NLRX1: variants seen among roughly 807,000 people sequenced by gnomAD.
NLRX1 encodes NOD-like receptor X1.
Under a neutral mutation model 74.2 loss-of-function variants are expected in NLRX1, and 67 were observed. The ratio of observed to expected loss-of-function variants is 0.90; its 90% CI spans 0.74 to 1.11. The LOEUF (loss-of-function observed/expected upper bound fraction) is 1.11. Ranked by LOEUF, NLRX1 falls within the 50% of genes least tolerant of loss-of-function variation. NLRX1 has a pLI of 0.00. For missense variants in NLRX1, 1,191 were observed against 1,305.4 expected (o/e 0.91, Z 1.35); for synonymous variants, 506 against 559.1 (o/e 0.91, Z 1.34).
chr11:119,175,311 C>T, intron 6 of NLRX1, 37 bp downstream of exon 6: 1 of 1,569,066 alleles, frequency 6.4e-7, no homozygotes, highest in Non-Finnish European at 8.7e-7. Context: ...CAACCTGCTC[C>T]TTCCCTCCCC....
At position 119,175,290 on chromosome 11, in the gene NLRX1, A is replaced by C; in HGVS notation, c.1671+16A>C. On this transcript the variant is annotated intron_variant, in intron 6 of 9. Coordinates refer to ENST00000409109, the MANE Select transcript of NLRX1 (RefSeq NM_001282144.2). ...CCTGATCAAGGTAACATCCCGATCA[A>C]GGTAACCCCCCAACCTGCTCCTTCC... 6.2e-7 allele frequency: 1 copy of C among 1,602,038 alleles called. No homozygotes were observed. The highest frequency in any genetic ancestry group is 8.5e-7 in the Non-Finnish European group (1 of 1,172,112).
Position 119,173,394 on chromosome 11 carries a change from C to A in NLRX1, c.230-85C>A. 1 of 1,433,608 alleles carries A rather than the reference C, an allele frequency of 7.0e-7. No homozygotes were observed. The highest frequency in any genetic ancestry group is 9.5e-7 in the Non-Finnish European group (1 of 1,050,934). 88.8% of individuals were successfully genotyped at this position (1,433,608 alleles called of 1,614,324 possible). On this transcript the variant is annotated intron_variant, in intron 4 of 9. Transcript: ENST00000409109. This position sits in a 1 kb window ranked among gnomAD's most constrained non-coding sequence, Gnocchi z 4.0. ...CAGCATCTATGCCGTGATGTCCCAG[C>A]CTGACCTCACCACCGCCCTGATTGG...
At chr11:119,180,385 G>A in intron 7 of NLRX1, 97 bp downstream of exon 7, 1 of 984,548 alleles carries the variant, frequency 1.0e-6, no homozygotes, top group Non-Finnish European at 1.5e-6. Context: ...AGGTACCGAT[G>A]AGTGACCAGA....
rs552352315 is a variant in NLRX1 at position 119,169,991 on chromosome 11, C to T, written c.-49+689C>T. On this transcript the variant is annotated intron_variant, in intron 1 of 9. Transcript: ENST00000409109. ...AGCCTGGGCAACAGAGCGAGAGACC[C>T]TGTCTCAGGAAAAAAAAAAAAAAAA... 3.7e-5 allele frequency among the ~76,000 whole-genome samples: 4 copies of T among 106,716 alleles called. No homozygotes were observed. The East Asian group carries it at 1.1e-3, about 30-fold the overall frequency. The allele number at this position is 106,716 out of a possible 152,430, so 70.0% of individuals were successfully genotyped here.
Position 119,183,433 on chromosome 11 carries a change from A to G in NLRX1, c.2922A>G (p.Gly974=). 2 of 1,610,942 alleles carry G rather than the reference A, an allele frequency of 1.2e-6. No individual in the cohort carries two copies. Among genetic ancestry groups the G allele is most frequent in the Non-Finnish European group, 1.7e-6 (2 of 1,179,126 alleles). The change falls in exon 10 of 10, where the codon GGA becomes GGG. Residue 974 remains glycine (G), a synonymous_variant. Coordinates refer to ENST00000409109, the MANE Select transcript of NLRX1 (RefSeq NM_001282144.2). The surrounding 1 kb of genome is among the most constrained non-coding windows in gnomAD (Gnocchi z 5.7). ...TCCTGGAGCAGCTGGGAAGCTCTGG[A>G]AGCTGAGACACTGGCGGCAGGCACC... ...RALLEQLGSS[G]S
At position 119,175,061 on chromosome 11, in the gene NLRX1, T is replaced by C; in HGVS notation, c.1458T>C (p.Arg486=). 6.2e-7 allele frequency: 1 copy of C among 1,614,160 alleles called. No individual in the cohort carries two copies. Among genetic ancestry groups the C allele is most frequent in the Non-Finnish European group, 8.5e-7 (1 of 1,180,042 alleles). ...TGGCCCCATGTGTGGAGCCAGGGCG[T>C]GCAGGCACCTTCGTGTTCACCGTGC... ...FFLAPCVEPG[R]AGTFVFTVPA... Residue 486 remains arginine (R), a synonymous_variant, in exon 6 of 10, where the codon CGT becomes CGC. Transcript: ENST00000409109.
chr11:119,174,183 C>T, intron 5 of NLRX1, 85 bp downstream of exon 5: 1 of 1,513,020 alleles, frequency 6.6e-7, no homozygotes, highest in East Asian at 2.3e-5. Flanking sequence ...CTGGTCCCTT[C>T]ACTTCCCAGT....
upstream of NLRX1, chr11:119,168,451 G>A (rs1406731703): frequency 1.3e-5 from 2 of 152,382 alleles, no homozygotes; most frequent in African/African-American, 2.4e-5. Flanking sequence ...CCTGAAGGTA[G>A]GCTGGGGAGG....
In NLRX1 at chr11:119,175,637, G is replaced by A. The variant is rs570290244; in HGVS notation, c.1671+363G>A. ...CTCTGCTTTGCAGGTCCAGAAACTC[G>A]ATTGTGTCTGCTCCTCCAGAGGTGA... is the stretch of plus-strand genomic sequence containing the variant. On this transcript the variant is annotated intron_variant, in intron 6 of 9. Transcript: ENST00000409109. Among the ~76,000 whole-genome samples the A allele has an allele frequency of 3.9e-5, 6 of 152,310 alleles. No homozygotes were observed. In the South Asian group the frequency reaches 1.0e-3, roughly 26 times the overall value.
rs1439153939 is a variant in NLRX1, at chr11:119,173,236, G to A, written c.230-243G>A. 3.0e-5 allele frequency: 19 copies of A among 625,016 alleles called. No homozygotes were observed. The East Asian group carries it at 4.7e-4, about 15-fold the overall frequency. 38.7% of individuals were successfully genotyped at this position (625,016 alleles called of 1,614,324 possible). Reference sequence around the variant, plus strand: ...ATGCTCAACAAAGTTGGGTCAAGCAGGTTAAGACGGCACATAGGTCACTGT... The same window carrying A: ...ATGCTCAACAAAGTTGGGTCAAGCAAGTTAAGACGGCACATAGGTCACTGT... On this transcript the variant is annotated intron_variant, in intron 4 of 9. Coordinates refer to ENST00000409109, the MANE Select transcript of NLRX1 (RefSeq NM_001282144.2). This position sits in a 1 kb window ranked among gnomAD's most constrained non-coding sequence, Gnocchi z 4.0.
At chr11:119,181,059 G>T in intron 7 of NLRX1, 112 bp from the exon 8 acceptor site, 1 of 771,990 alleles carries the variant, frequency 1.3e-6, no homozygotes, top group Non-Finnish European at 2.3e-6. Flanking sequence ...GGGGAAGCAG[G>T]TATAGATTCC....
Position 119,173,705 on chromosome 11 carries a change from G to C in NLRX1, c.456G>C (p.Pro152=), listed in dbSNP as rs150603547. The change falls in exon 5 of 10, where the codon CCG becomes CCC. Residue 152 remains proline, a synonymous_variant. Coordinates refer to ENST00000409109, the MANE Select transcript of NLRX1 (RefSeq NM_001282144.2). The surrounding 1 kb of genome is among the most constrained non-coding windows in gnomAD (Gnocchi z 4.0). The part of the protein sequence containing the change: ...PPLALSQLFN[P]DACGRRVQTV... Reference sequence around the variant, plus strand: ...TGGCCTTGTCTCAGCTCTTTAACCCGGATGCCTGTGGGCGCCGGGTGCAGA... The same window carrying C: ...TGGCCTTGTCTCAGCTCTTTAACCCCGATGCCTGTGGGCGCCGGGTGCAGA... 10 of 1,613,832 alleles carry C rather than the reference G, an allele frequency of 6.2e-6. No individual in the cohort carries two copies. Among genetic ancestry groups the C allele is most frequent in the African/African-American group, 1.3e-5 (1 of 74,944 alleles).
In NLRX1 at chr11:119,183,758, C is replaced by T. The variant is rs1188207078; in HGVS notation, c.*319C>T. 3.8e-6 allele frequency: 3 copies of T among 779,830 alleles called. No individual in the cohort carries two copies. In the South Asian group the frequency reaches 4.0e-5, roughly 10 times the overall value. The allele number at this position is 779,830 out of a possible 1,614,324, so 48.3% of individuals were successfully genotyped here. A position where few individuals can be genotyped will look rare whatever the true frequency, so the allele number is the denominator to read the frequency against. The stretch of plus-strand genomic sequence containing the variant: ...GCACCACTACCAACCTTGCCTCCCC[C>T]TCCTCTCAAAGAGCCTCTGACTGTG... On this transcript the variant is annotated 3_prime_UTR_variant, in exon 10 of 10. Coordinates refer to ENST00000409109, the MANE Select transcript of NLRX1 (RefSeq NM_001282144.2). This position sits in a 1 kb window ranked among gnomAD's most constrained non-coding sequence, Gnocchi z 5.7.
At chr11:119,171,330 A>T (rs1948541574) in intron 1 of NLRX1, 26 bp from the exon 2 acceptor site, 2 of 1,536,420 alleles carry the variant, frequency 1.3e-6, no homozygotes, top group Non-Finnish European at 1.8e-6. Context: ...GGTGGCAGTG[A>T]TCCATTCGTA....
chr11:119,174,392 G>T, intron 5 of NLRX1, 61 bp from the exon 6 acceptor site: 1 of 1,531,760 alleles, frequency 6.5e-7, no homozygotes, highest in South Asian at 1.2e-5. Flanking sequence ...GGTCCCCTGG[G>T]AATAGAAGCA....
At position 119,172,768 on chromosome 11, in the gene NLRX1, C is replaced by T. The variant is rs536787835; in HGVS notation, c.141-133C>T. 3 of 704,530 alleles carry T rather than the reference C, an allele frequency of 4.3e-6. No individual in the cohort carries two copies. The South Asian group carries it at 4.9e-5, about 12-fold the overall frequency. 43.6% of individuals were successfully genotyped at this position (704,530 alleles called of 1,614,324 possible). A position where few individuals can be genotyped will look rare whatever the true frequency, so the allele number is the denominator to read the frequency against. ...TGTGAGAGTCAGACAAGCCTCTAAA[C>T]TTGGGGGTCCAGTGTGGGGCCTTTA... On this transcript the variant is annotated intron_variant, in intron 3 of 9. Coordinates refer to ENST00000409109, the MANE Select transcript of NLRX1 (RefSeq NM_001282144.2).
intron 6 of NLRX1, among the ~76,000 whole-genome samples, chr11:119,179,282 C>T (rs977513950): frequency 5.3e-5 from 8 of 152,148 alleles, no homozygotes; most frequent in African/African-American, 1.9e-4. Flanking sequence ...CTAATGTCTG[C>T]AGCACATGAG....
chr11:119,182,384 A>C, intron 9 of NLRX1, 39 bp downstream of exon 9: 1 of 1,591,514 alleles, frequency 6.3e-7, no homozygotes, highest in South Asian at 1.1e-5. Flanking sequence ...CCAGCCCTTC[A>C]GACTACTTCC....
Position 119,173,249 on chromosome 11 carries a change from C to T in NLRX1, c.230-230C>T, listed in dbSNP as rs1440718066. 3 of 633,420 alleles carry T rather than the reference C, an allele frequency of 4.7e-6. No individual in the cohort carries two copies. The highest frequency in any genetic ancestry group is 8.2e-6 in the Non-Finnish European group (3 of 365,972). The allele number at this position is 633,420 out of a possible 1,614,324, so 39.2% of individuals were successfully genotyped here. ...TTGGGTCAAGCAGGTTAAGACGGCA[C>T]ATAGGTCACTGTGAAACCAGTTTGT... On this transcript the variant is annotated intron_variant, in intron 4 of 9. Transcript: ENST00000409109. The surrounding 1 kb of genome is among the most constrained non-coding windows in gnomAD (Gnocchi z 4.0).
Sources: allele counts gnomAD v4.1 joint callset (sites outside exome capture counted in the v4.1 genomes callset), GRCh38; gene constraint gnomAD v4.1.1; non-coding constraint Gnocchi (gnomAD v3.1); transcripts MANE v1.5; gene names NCBI Gene and HGNC (gene_info 2026-07-23, HGNC 2026-07-21).